DOP1B: variants seen among roughly 807,000 people sequenced by gnomAD.
DOP1B encodes the protein DOP1 leucine zipper like protein B.
DOP1B carries 174 observed loss-of-function variants against 233.5 expected under a neutral mutation model. The observed-to-expected ratio is 0.75, with a 90% CI of 0.66 to 0.85. The LOEUF is 0.85. Among genes scored for constraint, DOP1B ranks in the 40% least tolerant of loss-of-function variants. The probability of loss-of-function intolerance (pLI) is 0.00; values close to 1 mark genes in which losing one functional copy is unlikely to be tolerated. For missense variants in DOP1B, 2,652 were observed against 2,846.6 expected (o/e 0.93, Z 1.56); for synonymous variants, 1,190 against 1,185.6 (o/e 1.00, Z -0.08).
In DOP1B at chr21:36,164,863, C is replaced by T; in HGVS notation, c.130C>T (p.Leu44Phe). 1 of 1,610,172 alleles carries T rather than the reference C, an allele frequency of 6.2e-7. No homozygotes were observed. Among genetic ancestry groups the T allele is most frequent in the Non-Finnish European group, 8.5e-7 (1 of 1,178,384 alleles). Reference protein sequence around the residue: ...WADLISSLGKLNKALQSNLRY... With the variant: ...WADLISSLGKFNKALQSNLRY... ...GGATCTCATATCTTCACTTGGCAAA[C>T]TCAACAAGGTATGTAGGGTGTATCC... The change falls in exon 2 of 37, where the codon CTC becomes TTC. Residue 44 changes from leucine (L) to phenylalanine (F), a missense_variant. By Grantham distance (22) the Leu-to-Phe change is conservative. Around this residue, in one of 3 missense-constraint regions of DOP1B, gnomAD observed 2,617 missense variants for 2,794.3 expected, o/e 0.94. Coordinates refer to ENST00000691173, the MANE Select transcript of DOP1B (RefSeq NM_001320714.2).
Position 36,246,133 on chromosome 21 carries a change from G to T in DOP1B, c.4153G>T (p.Glu1385Ter). 1 of 1,614,058 alleles carries T rather than the reference G, an allele frequency of 6.2e-7. No homozygotes were observed. Among genetic ancestry groups the T allele is most frequent in the Non-Finnish European group, 8.5e-7 (1 of 1,180,036 alleles). The part of the protein sequence containing the change: ...HSLLQRCKVQ[E>*]FVLLSLSASM... ...CTTGCTGCAGAGGTGCAAAGTTCAG[G>T]AGTTTGTCCTGCTCTCCCTGTCGGC... is the stretch of plus-strand genomic sequence containing the variant. Residue 1385 changes from glutamate to a stop codon, truncating the protein, a stop_gained, in exon 19 of 37, where the codon GAG becomes TAG. Coordinates refer to ENST00000691173, the MANE Select transcript of DOP1B (RefSeq NM_001320714.2). LOFTEE classifies it high-confidence loss of function. The surrounding 1 kb of genome is among the most constrained non-coding windows in gnomAD (Gnocchi z 5.1).
At chr21:36,254,707 C>T (rs2067072372) in intron 23 of DOP1B, among the ~76,000 whole-genome samples, 1 of 149,752 alleles carries the variant, frequency 6.7e-6, no homozygotes, top group South Asian at 2.1e-4. Flanking sequence ...AAAGAAAATG[C>T]TCTAAGAAAG....
At chr21:36,214,041 G>C (rs1452702651) in intron 7 of DOP1B, 40 bp from the exon 8 acceptor site, 1 of 1,486,432 alleles carries the variant, frequency 6.7e-7, no homozygotes, top group Admixed American at 1.9e-5. Context: ...TCCTTTAAAA[G>C]CACAGCTCTC....
chr21:36,204,860 GGCC>G (rs2066410196), intron 4 of DOP1B, among the ~76,000 whole-genome samples: 1 of 151,946 alleles, frequency 6.6e-6, no homozygotes, highest in African/African-American at 2.4e-5. Context: ...TCACCATGTT[GGCC>G]AGGCTGGTCT....
rs200892503 is a variant in DOP1B at position 36,292,096 on chromosome 21, C to G, written c.6516-8C>G. The G allele has an allele frequency of 2.3e-5, 37 of 1,588,742 alleles. No individual in the cohort carries two copies. The highest frequency in any genetic ancestry group is 3.2e-5 in the Non-Finnish European group (37 of 1,172,874). On this transcript the variant is annotated splice_region_variant and splice_polypyrimidine_tract_variant and intron_variant, in intron 35 of 36. Transcript: ENST00000691173. ...CAGCAGACCTGACCTTCTGTTTGTT[C>G]CCTGCAGTTATAGGTGGGCATTTAT...
rs768440725 is a variant in DOP1B, at chr21:36,277,071, A to T, written c.5683A>T (p.Ser1895Cys). ...GTCTTCATCCGCCCCGTCGGTGTAC[A>T]GCGTGCAAGCCCTCTCTCTCCTGGC... Reference protein sequence around the residue: ...MVSSSAPSVYSVQALSLLAEV... With the variant: ...MVSSSAPSVYCVQALSLLAEV... The change falls in exon 28 of 37, where the codon AGC (serine) becomes TGC (cysteine). Residue 1895 changes from serine (S) to cysteine (C), a missense_variant. By Grantham distance (112) the Ser-to-Cys change is moderately radical. This residue lies in a region of DOP1B where 2,617 missense variants were observed against 2,794.3 expected (regional missense o/e 0.94). Coordinates refer to ENST00000691173, the MANE Select transcript of DOP1B (RefSeq NM_001320714.2). 6.2e-7 allele frequency: 1 copy of T among 1,614,048 alleles called. No homozygotes were observed. Among genetic ancestry groups the T allele is most frequent in the Non-Finnish European group, 8.5e-7 (1 of 1,180,030 alleles).
At chr21:36,174,309 G>A (rs12482884) in intron 2 of DOP1B, among the ~76,000 whole-genome samples, 25 of 152,256 alleles carry the variant, frequency 1.6e-4, no homozygotes, top group Admixed American at 4.6e-4. Flanking sequence ...CTGACATGGC[G>A]AAACCCCGTC....
At chr21:36,173,720 G>A (rs573460481) in intron 2 of DOP1B, among the ~76,000 whole-genome samples, 62 of 152,226 alleles carry the variant, frequency 4.1e-4, no homozygotes, top group African/African-American at 1.5e-3. Context: ...GCCGCGCCCG[G>A]CCCAAGAAAA....
intron 2 of DOP1B, among the ~76,000 whole-genome samples, chr21:36,196,470 C>T (rs1487003408): frequency 6.6e-6 from 1 of 151,214 alleles, no homozygotes; most frequent in African/African-American, 2.4e-5. Flanking sequence ...TACCGTCAGT[C>T]TGTTTTCATC....
rs1482628953 is a variant in DOP1B at position 36,247,516 on chromosome 21, G to C, written c.4698-1G>C. 1.9e-6 allele frequency: 3 copies of C among 1,592,668 alleles called. No individual in the cohort carries two copies. On this transcript the variant is annotated splice_acceptor_variant, in intron 19 of 36. Coordinates refer to ENST00000691173, the MANE Select transcript of DOP1B (RefSeq NM_001320714.2). LOFTEE classifies it high-confidence loss of function. ...ACCAGTTTCTCTTTTCTTCACCACA[G>C]CACAACCTCCAAGAGGGAAAACATT...
At chr21:36,200,718 C>T (rs985095542) in intron 4 of DOP1B, among the ~76,000 whole-genome samples, 1 of 152,026 alleles carries the variant, frequency 6.6e-6, no homozygotes, top group African/African-American at 2.4e-5. Flanking sequence ...TGGCGGGCGT[C>T]TGTAGTCCCA....
At chr21:36,176,343 G>A (rs2066030249) in intron 2 of DOP1B, among the ~76,000 whole-genome samples, 1 of 152,014 alleles carries the variant, frequency 6.6e-6, no homozygotes, top group South Asian at 2.1e-4. Context: ...TATCCCTGCT[G>A]GCCAGACCCT....
intron 2 of DOP1B, chr21:36,170,388 A>T (rs1568997541): frequency 9.1e-6 from 2 of 219,080 alleles, no homozygotes; most frequent in African/African-American, 4.7e-5. Flanking sequence ...ATGAGGTCAA[A>T]AGATGGAGAC....
chr21:36,211,027 C>G (rs753550808), intron 5 of DOP1B, among the ~76,000 whole-genome samples: 2 of 152,164 alleles, frequency 1.3e-5, no homozygotes, highest in Non-Finnish European at 2.9e-5. Flanking sequence ...TGCCCTTCTT[C>G]GAGGTCTCAG....
intron 2 of DOP1B, among the ~76,000 whole-genome samples, chr21:36,182,210 T>C (rs1477991177): frequency 6.6e-6 from 1 of 152,130 alleles, no homozygotes; most frequent in Non-Finnish European, 1.5e-5. Context: ...GACTCACCAT[T>C]TCTGAGATTG....
In DOP1B at chr21:36,241,663, C is replaced by G. The variant is rs183501957; in HGVS notation, c.3067+1708C>G. ...AGCTGGGATTACAGGCATGCACCAC[C>G]ATGCCTGGCTAATTTTTTTTTCTTT... On this transcript the variant is annotated intron_variant, in intron 18 of 36. Transcript: ENST00000691173. 2.3e-3 allele frequency among the ~76,000 whole-genome samples: 337 copies of G among 149,666 alleles called. 2 individuals are homozygous for G. Among genetic ancestry groups the G allele is most frequent in the Non-Finnish European group, 2.8e-3 (186 of 67,470 alleles).
At chr21:36,223,442 G>A in intron 11 of DOP1B, 92 bp downstream of exon 11, 1 of 1,490,804 alleles carries the variant, frequency 6.7e-7, no homozygotes, top group African/African-American at 1.5e-5. Flanking sequence ...TTATATATAA[G>A]TAGCTGAAGC....
At chr21:36,262,615 C>G (rs139494485) in intron 24 of DOP1B, among the ~76,000 whole-genome samples, 1 of 152,102 alleles carries the variant, frequency 6.6e-6, no homozygotes, top group African/African-American at 2.4e-5. Flanking sequence ...CAGCCGGGCA[C>G]GGTGGCTCAC....
intron 2 of DOP1B, among the ~76,000 whole-genome samples, chr21:36,186,197 C>T (rs1342470449): frequency 6.9e-6 from 1 of 144,928 alleles, no homozygotes; most frequent in African/African-American, 2.6e-5. Context: ...AACGAGACTT[C>T]GTCTCACAAA....
Sources: allele counts gnomAD v4.1 joint callset (sites outside exome capture counted in the v4.1 genomes callset), GRCh38; gene constraint gnomAD v4.1.1; regional missense constraint gnomAD v4.1.1; non-coding constraint Gnocchi (gnomAD v3.1); transcripts MANE v1.5; gene names NCBI Gene and HGNC (gene_info 2026-07-23, HGNC 2026-07-21).